TRIT1: variants seen among roughly 807,000 people sequenced by gnomAD.
TRIT1 encodes tRNA dimethylallyltransferase.
TRIT1 carries 43 observed loss-of-function variants against 51.2 expected under a neutral mutation model. The ratio of observed to expected loss-of-function variants is 0.84; its 90% CI spans 0.66 to 1.08. TRIT1 has a LOEUF of 1.08. Among genes scored for constraint, TRIT1 ranks in the 50% least tolerant of loss-of-function variants. The pLI is 0.00. For synonymous variants in TRIT1, 184 were observed against 203.9 expected, an observed-to-expected ratio of 0.90 and a Z score of 0.83; for missense variants, 528 against 578.4, an observed-to-expected ratio of 0.91 and a Z score of 0.89.
intron 8 of TRIT1, among the ~76,000 whole-genome samples, chr1:39,844,895 T>C (rs1029838059): frequency 6.6e-6 from 1 of 152,222 alleles, no homozygotes; most frequent in African/African-American, 2.4e-5. Flanking sequence ...AAAACCAGAA[T>C]AGAGTTAACA....
In TRIT1 at chr1:39,869,221, G is replaced by C. The variant is rs1643731514; in HGVS notation, c.175-11804C>G. Among the ~76,000 whole-genome samples the C allele has an allele frequency of 2.6e-5, 4 of 152,092 alleles. No individual in the cohort carries two copies. The South Asian group carries it at 8.3e-4, about 31-fold the overall frequency. On this transcript the variant is annotated intron_variant, in intron 1 of 10. Coordinates refer to ENST00000316891, the MANE Select transcript of TRIT1 (RefSeq NM_017646.6). ...CTCCCTGCCTGATTCTCCTGCTTCA[G>C]CCTGCCGAGTGCCTGGGATTGCAGG...
At chr1:39,880,268 TAAAAAAAAAAAAAA>T (rs1553148795) in intron 1 of TRIT1, among the ~76,000 whole-genome samples, 1 of 94,890 alleles carries the variant, frequency 1.1e-5, no homozygotes, top group Non-Finnish European at 2.1e-5. Flanking sequence ...AGACCTCAAA[TAAAAAAAAAAAAAA>T]AAAAAAAAAA....
At chr1:39,860,716 TA>T (rs1643187917) in intron 1 of TRIT1, among the ~76,000 whole-genome samples, 1 of 152,194 alleles carries the variant, frequency 6.6e-6, no homozygotes, top group Admixed American at 6.5e-5. Flanking sequence ...AGGTGATGGA[TA>T]TATGGGTAGT....
intron 10 of TRIT1, among the ~76,000 whole-genome samples, chr1:39,842,337 G>T (rs1641958666): frequency 1.3e-5 from 2 of 152,204 alleles, no homozygotes; most frequent in African/African-American, 4.8e-5. Flanking sequence ...GTAGTATGGG[G>T]CTTCCTGTTA....
At chr1:39,871,549 C>G (rs60142930) in intron 1 of TRIT1, among the ~76,000 whole-genome samples, 3,248 of 152,326 alleles carry the variant, frequency 0.021, 69 homozygotes, top group East Asian at 0.11. Flanking sequence ...CACTGCACCC[C>G]ACCCTGGGCA....
At chr1:39,872,460 A>G (rs555203702) in intron 1 of TRIT1, among the ~76,000 whole-genome samples, 1 of 152,182 alleles carries the variant, frequency 6.6e-6, no homozygotes, top group Admixed American at 6.6e-5. Flanking sequence ...AGGAGTAATC[A>G]CTGAAACTAC....
Position 39,841,589 on chromosome 1 carries a change from A to G in TRIT1, c.*155T>C. ...TGCTGTTTCTATTATAGAGAACGTG[A>G]GACTTTAAAACCACATCAAAAGAAA... On this transcript the variant is annotated 3_prime_UTR_variant, in exon 11 of 11. Transcript: ENST00000316891. 1 of 692,842 alleles carries G rather than the reference A, an allele frequency of 1.4e-6. No individual in the cohort carries two copies. The highest frequency in any genetic ancestry group is 2.3e-6 in the Non-Finnish European group (1 of 435,748). The allele number at this position is 692,842 out of a possible 1,614,324, so 42.9% of individuals were successfully genotyped here.
In TRIT1 at chr1:39,844,088, C is replaced by T; in HGVS notation, c.1234+13G>A. The T allele has an allele frequency of 6.3e-7, 1 of 1,595,772 alleles. No homozygotes were observed. Among genetic ancestry groups the T allele is most frequent in the Non-Finnish European group, 8.6e-7 (1 of 1,163,552 alleles). On this transcript the variant is annotated intron_variant, in intron 10 of 10. Transcript: ENST00000316891. ...CCCTTATAGATTTCTTCATGCCCCT[C>T]CCCATACTCTACCTGCCCATTCGCG...
In TRIT1 at chr1:39,865,338, G is replaced by A. The variant is rs74067806; in HGVS notation, c.175-7921C>T. On this transcript the variant is annotated intron_variant, in intron 1 of 10. Transcript: ENST00000316891. ...CAGGAAACAATATTGAGAAATGGCA[G>A]TCTTTATGGCATCCATCTGCCTTTT... Among the ~76,000 whole-genome samples the A allele has an allele frequency of 3.0e-3, 450 of 152,332 alleles. 4 individuals are homozygous for A. The highest frequency in any genetic ancestry group is 0.011 in the African/African-American group (437 of 41,570).
chr1:39,841,026 A>T lies in TRIT1; in HGVS notation c.*718T>A, dbSNP rs1014076407. The T allele has an allele frequency of 1.3e-5, 2 of 152,256 alleles. No homozygotes were observed. The highest frequency in any genetic ancestry group is 2.9e-5 in the Non-Finnish European group (2 of 68,046). The allele number at this position is 152,256 out of a possible 1,614,324, so 9.4% of individuals were successfully genotyped here. On this transcript the variant is annotated 3_prime_UTR_variant, in exon 11 of 11. Transcript: ENST00000316891. ...GTGTATAAACTAGGCATGGACTTGT[A>T]TATCTTTTTAAGGATCAAAGAGGCT...
intron 8 of TRIT1, 32 bp from the exon 9 acceptor site, chr1:39,844,672 C>T (rs778504583): frequency 6.7e-7 from 1 of 1,497,860 alleles, no homozygotes; most frequent in East Asian, 2.3e-5. Flanking sequence ...TGTGAGAGGT[C>T]AGCCTCAAAC....
intron 1 of TRIT1, among the ~76,000 whole-genome samples, chr1:39,882,452 G>C (rs1644293597): frequency 6.6e-6 from 1 of 152,208 alleles, no homozygotes; most frequent in African/African-American, 2.4e-5. Flanking sequence ...TCAACAAATA[G>C]CTGCTGTAGT....
At chr1:39,853,810 C>T in intron 3 of TRIT1, 160 bp downstream of exon 3, 1 of 594,700 alleles carries the variant, frequency 1.7e-6, no homozygotes, top group Non-Finnish European at 3.0e-6. Context: ...GAGGAACACA[C>T]TTCACACATG....
chr1:39,851,100 C>T (rs1218305986), intron 4 of TRIT1, among the ~76,000 whole-genome samples: 2 of 152,120 alleles, frequency 1.3e-5, no homozygotes, highest in Non-Finnish European at 2.9e-5. Flanking sequence ...CTTCCTGAAA[C>T]CCTAACGCAA....
intron 1 of TRIT1, among the ~76,000 whole-genome samples, chr1:39,865,547 A>C (rs1643486850): frequency 6.6e-6 from 1 of 151,842 alleles, no homozygotes; most frequent in Non-Finnish European, 1.5e-5. Flanking sequence ...GTTAACAGTA[A>C]GGATTCTCAT....
At chr1:39,858,315 T>C (rs539761961) in intron 1 of TRIT1, among the ~76,000 whole-genome samples, 17 of 152,298 alleles carry the variant, frequency 1.1e-4, no homozygotes, top group African/African-American at 4.1e-4. Context: ...GTGTAATGGT[T>C]AGGAGGAAAG....
chr1:39,859,940 G>A (rs911318439), intron 1 of TRIT1, among the ~76,000 whole-genome samples: 21 of 152,188 alleles, frequency 1.4e-4, no homozygotes, highest in Non-Finnish European at 2.2e-4. Context: ...ACCCTAGAAG[G>A]CTAGATAAAA....
chr1:39,847,095 C>T (rs982520771), intron 8 of TRIT1, 125 bp downstream of exon 8: 1 of 684,334 alleles, frequency 1.5e-6, no homozygotes, highest in African/African-American at 1.9e-5. Context: ...TATAGAACTT[C>T]CCTTAGGTCA....
intron 1 of TRIT1, among the ~76,000 whole-genome samples, chr1:39,861,432 T>C (rs960984672): frequency 2.0e-5 from 3 of 152,088 alleles, no homozygotes; most frequent in African/African-American, 7.2e-5. Flanking sequence ...AGAATTAACA[T>C]ACAACTTAGC....
Sources: allele counts gnomAD v4.1 joint callset (sites outside exome capture counted in the v4.1 genomes callset), GRCh38; gene constraint gnomAD v4.1.1; transcripts MANE v1.5; gene names NCBI Gene and HGNC (gene_info 2026-07-23, HGNC 2026-07-21).